SHB: variants seen among roughly 807,000 people sequenced by gnomAD.
SHB encodes the protein SH2 domain containing adaptor protein B.
SHB carries 20 observed loss-of-function variants against 52.3 expected under a neutral mutation model. The observed-to-expected ratio is 0.38, with a 90% CI of 0.27 to 0.56. The LOEUF (loss-of-function observed/expected upper bound fraction) is 0.56. Ranked by LOEUF, SHB falls within the 20% of genes least tolerant of loss-of-function variation. The pLI is 0.71. For missense variants in SHB, 825 were observed against 723.3 expected, an observed-to-expected ratio of 1.14 and a Z score of -1.61; for synonymous variants, 397 against 316.5, an observed-to-expected ratio of 1.25 and a Z score of -2.70.
At chr9:38,041,843 C>A (rs1821582616) in intron 1 of SHB, among the ~76,000 whole-genome samples, 1 of 152,138 alleles carries the variant, frequency 6.6e-6, no homozygotes, top group Non-Finnish European at 1.5e-5. Context: ...CTTCTGATTG[C>A]CAAAACGCAG....
At chr9:38,022,956 A>G (rs17439717) in intron 1 of SHB, among the ~76,000 whole-genome samples, 87,575 of 152,012 alleles carry the variant, frequency 0.58, 25,306 homozygotes, top group Middle Eastern at 0.66. Flanking sequence ...TGGATGCCAC[A>G]CTCAGTATCT....
chr9:38,046,088 G>T (rs566873049), intron 1 of SHB, among the ~76,000 whole-genome samples: 5 of 152,102 alleles, frequency 3.3e-5, no homozygotes, highest in Non-Finnish European at 5.9e-5. Flanking sequence ...TTAGCCAGGC[G>T]TGGTGGTGTG....
chr9:37,940,519 A>T (rs922923883), intron 5 of SHB, among the ~76,000 whole-genome samples: 2 of 152,094 alleles, frequency 1.3e-5, no homozygotes, highest in Admixed American at 6.6e-5. Context: ...CAGAAAGTTC[A>T]TTTTTCCTCC....
At chr9:38,049,905 T>C (rs376033940) in intron 1 of SHB, among the ~76,000 whole-genome samples, 1 of 151,844 alleles carries the variant, frequency 6.6e-6, no homozygotes. Flanking sequence ...ATTCAAGTGA[T>C]TCTCCTGCCT....
rs1832621996 is a variant in SHB, at chr9:37,955,673, A to G, written c.1226+210T>C. Among the ~76,000 whole-genome samples the G allele has an allele frequency of 3.3e-5, 5 of 151,622 alleles. No individual in the cohort carries two copies. In the South Asian group the frequency reaches 1.0e-3, roughly 32 times the overall value. ...TTGTATTTTTTTTTCTTTTTTTTGTAGAGACAGGCTCTCACTATGTTGTCC... is the reference window on the plus strand; with the variant it reads ...TTGTATTTTTTTTTCTTTTTTTTGTGGAGACAGGCTCTCACTATGTTGTCC... On this transcript the variant is annotated intron_variant, in intron 4 of 5. Coordinates refer to ENST00000377707, the MANE Select transcript of SHB (RefSeq NM_003028.3).
intron 5 of SHB, among the ~76,000 whole-genome samples, chr9:37,928,860 G>C (rs767166645): frequency 1.3e-5 from 2 of 152,244 alleles, no homozygotes; most frequent in African/African-American, 2.4e-5. Context: ...AGTCCCACCT[G>C]AGCAGCACAT....
At chr9:37,978,871 G>A (rs1820687972) in intron 2 of SHB, among the ~76,000 whole-genome samples, 3 of 152,220 alleles carry the variant, frequency 2.0e-5, no homozygotes. Context: ...ATGTAATTAA[G>A]ATGAGCACAT....
intron 5 of SHB, among the ~76,000 whole-genome samples, chr9:37,937,540 G>A (rs1306034754): frequency 1.3e-5 from 2 of 152,002 alleles, no homozygotes; most frequent in East Asian, 1.9e-4. Flanking sequence ...GCTGCTCACA[G>A]GGGAGCTTCC....
intron 2 of SHB, among the ~76,000 whole-genome samples, chr9:37,981,833 T>C (rs1210304174): frequency 6.6e-6 from 1 of 152,122 alleles, no homozygotes. Flanking sequence ...GAATGGTCAG[T>C]CAGTGGGGCA....
chr9:37,917,165 C>T lies in SHB; in HGVS notation c.*2656G>A, dbSNP rs113432620. ...AAGAAAACATGAATACAGGCTGACACAGGAAACGGTCACAATTAGAGGAAG... is the reference window on the plus strand; with the variant it reads ...AAGAAAACATGAATACAGGCTGACATAGGAAACGGTCACAATTAGAGGAAG... On this transcript the variant is annotated 3_prime_UTR_variant, in exon 6 of 6. Coordinates refer to ENST00000377707, the MANE Select transcript of SHB (RefSeq NM_003028.3). Among the ~76,000 whole-genome samples the T allele has an allele frequency of 6.6e-6, 1 of 151,992 alleles. No individual in the cohort carries two copies. Among genetic ancestry groups the T allele is most frequent in the East Asian group, 1.9e-4 (1 of 5,190 alleles).
At chr9:37,986,423 G>A (rs1015180259) in intron 2 of SHB, among the ~76,000 whole-genome samples, 1 of 152,168 alleles carries the variant, frequency 6.6e-6, no homozygotes, top group African/African-American at 2.4e-5. Flanking sequence ...AGCTATGGAG[G>A]ATCTGGGATG....
intron 5 of SHB, among the ~76,000 whole-genome samples, chr9:37,921,604 G>T (rs1462348910): frequency 6.6e-6 from 1 of 152,172 alleles, no homozygotes; most frequent in African/African-American, 2.4e-5. Flanking sequence ...TTTAAATCAA[G>T]ATTTTTTTTA....
chr9:37,977,849 C>G (rs556649829), intron 2 of SHB, among the ~76,000 whole-genome samples: 3 of 152,304 alleles, frequency 2.0e-5, no homozygotes, highest in Admixed American at 2.0e-4. Context: ...TTCACAAAAG[C>G]AGGACCAGCA....
chr9:38,054,629 T>G (rs190612816), intron 1 of SHB, among the ~76,000 whole-genome samples: 236 of 152,270 alleles, frequency 1.5e-3, no homozygotes, highest in African/African-American at 5.4e-3. Context: ...CTGTGGGCAG[T>G]GTTATAGCCT....
intron 1 of SHB, among the ~76,000 whole-genome samples, chr9:38,023,613 T>C (rs1250519957): frequency 2.6e-5 from 4 of 152,230 alleles, no homozygotes; most frequent in African/African-American, 9.6e-5. Flanking sequence ...TGACAACAGC[T>C]GTCCTATTTC....
intron 1 of SHB, among the ~76,000 whole-genome samples, chr9:38,020,521 T>C (rs1821268280): frequency 6.6e-6 from 1 of 152,220 alleles, no homozygotes; most frequent in South Asian, 2.1e-4. Flanking sequence ...TGTGCTAACA[T>C]GCAGCTCTTT....
At chr9:37,973,044 A>C (rs978714032) in intron 3 of SHB, among the ~76,000 whole-genome samples, 4 of 152,152 alleles carry the variant, frequency 2.6e-5, no homozygotes, top group African/African-American at 9.7e-5. Flanking sequence ...CTGGCTTTTC[A>C]TCTCTTAACA....
At chr9:37,966,048 A>T (rs538490756) in intron 3 of SHB, among the ~76,000 whole-genome samples, 1 of 152,310 alleles carries the variant, frequency 6.6e-6, no homozygotes, top group Admixed American at 6.5e-5. Flanking sequence ...CATATTGGCC[A>T]GGCTGGTCTC....
chr9:37,923,803 G>A (rs765411785), intron 5 of SHB, among the ~76,000 whole-genome samples: 3 of 152,204 alleles, frequency 2.0e-5, no homozygotes, highest in South Asian at 2.1e-4. Flanking sequence ...CTGGGGTACC[G>A]TGGAGGAAAC....
Sources: allele counts gnomAD v4.1 joint callset (sites outside exome capture counted in the v4.1 genomes callset), GRCh38; gene constraint gnomAD v4.1.1; transcripts MANE v1.5; gene names NCBI Gene and HGNC (gene_info 2026-07-23, HGNC 2026-07-21).